The following ARHGAP40 variants were observed in gnomAD, a reference collection of about 807,000 sequenced individuals.
The protein encoded by ARHGAP40 is rho GTPase-activating protein 40.
Under a neutral mutation model 73.5 loss-of-function variants are expected in ARHGAP40, and 43 were observed. The ratio of observed to expected loss-of-function variants is 0.58; its 90% CI spans 0.46 to 0.75. ARHGAP40 has a LOEUF of 0.75. Ranked by LOEUF, ARHGAP40 falls within the 30% of genes least tolerant of loss-of-function variation. The pLI, the probability that ARHGAP40 is intolerant of heterozygous loss-of-function variation, is 0.00. For missense variants in ARHGAP40, 734 were observed against 861.8 expected (o/e 0.85, Z 1.86); for synonymous variants, 300 against 352.8 (o/e 0.85, Z 1.68).
chr20:38,629,074 A>G, intron 4 of ARHGAP40, 72 bp downstream of exon 4: 8 of 1,162,564 alleles, frequency 6.9e-6, no homozygotes, highest in South Asian at 1.4e-5. Context: ...GTGAAGTAAG[A>G]GAATGTGCAC....
intron 11 of ARHGAP40, among the ~76,000 whole-genome samples, chr20:38,644,602 T>C (rs2089040078): frequency 6.8e-6 from 1 of 147,766 alleles, no homozygotes; most frequent in African/African-American, 2.5e-5. Context: ...CATCCATTTA[T>C]GCAACTGCCC....
chr20:38,641,879 CTCATTCAT>C lies in ARHGAP40; in HGVS notation c.1362+87_1362+94del, dbSNP rs548156307. 2.2e-5 allele frequency: 24 copies of C among 1,099,770 alleles called. No individual in the cohort carries two copies. The African/African-American group carries it at 2.9e-4, about 13-fold the overall frequency. 68.1% of individuals were successfully genotyped at this position (1,099,770 alleles called of 1,614,324 possible). On this transcript the variant is annotated intron_variant, in intron 10 of 14. Transcript: ENST00000373345. ...AGCCACAGCCATGGCTTCAAATGTG[CTCATTCAT>C]TCATTCATTCATTCAACAACTCTGC... is the stretch of plus-strand genomic sequence containing the variant.
exon 3 of ARHGAP40, chr20:38,627,214 G>C (rs1200305924): frequency 1.2e-5 from 16 of 1,305,138 alleles, no homozygotes; most frequent in Non-Finnish European, 1.4e-5. Context: ...TTCAATTCAG[G>C]GGTAAGTGGC....
chr20:38,604,920 A>G (rs1325414019), intron 1 of ARHGAP40, among the ~76,000 whole-genome samples: 1 of 151,854 alleles, frequency 6.6e-6, no homozygotes, highest in Non-Finnish European at 1.5e-5. Flanking sequence ...TTGTTTATTG[A>G]GAAGACATTC....
intron 1 of ARHGAP40, among the ~76,000 whole-genome samples, chr20:38,602,340 A>C (rs1360760495): frequency 6.6e-6 from 1 of 152,166 alleles, no homozygotes; most frequent in Admixed American, 6.5e-5. Flanking sequence ...TGCAGGGGTC[A>C]CTGATTTTCA....
At chr20:38,609,059 T>G (rs1246394534) in intron 1 of ARHGAP40, among the ~76,000 whole-genome samples, 1 of 152,106 alleles carries the variant, frequency 6.6e-6, no homozygotes, top group Non-Finnish European at 1.5e-5. Context: ...CTCCCCAAAA[T>G]CAGCTGATTA....
intron 1 of ARHGAP40, among the ~76,000 whole-genome samples, chr20:38,620,291 T>C (rs962878682): frequency 6.6e-6 from 1 of 152,174 alleles, no homozygotes; most frequent in East Asian, 1.9e-4. Flanking sequence ...GTTCTCTTCC[T>C]ATCGTTCTCT....
intron 1 of ARHGAP40, among the ~76,000 whole-genome samples, chr20:38,620,861 G>A (rs2088870042): frequency 6.6e-6 from 1 of 152,218 alleles, no homozygotes; most frequent in African/African-American, 2.4e-5. Flanking sequence ...TGAGCTCTGT[G>A]TGGGCAGGAC....
At chr20:38,613,319 C>T (rs1182478268) in intron 1 of ARHGAP40, among the ~76,000 whole-genome samples, 2 of 152,160 alleles carry the variant, frequency 1.3e-5, no homozygotes, top group South Asian at 4.1e-4. Flanking sequence ...GGCTGCCCCT[C>T]CCAGAGTGCT....
intron 1 of ARHGAP40, among the ~76,000 whole-genome samples, chr20:38,608,985 T>G (rs1219836643): frequency 1.3e-5 from 2 of 152,104 alleles, no homozygotes; most frequent in African/African-American, 4.8e-5. Flanking sequence ...CTCTTCTGCC[T>G]CCCTCTTCCC....
chr20:38,628,083 T>G (rs2088913828), intron 3 of ARHGAP40, among the ~76,000 whole-genome samples: 2 of 152,218 alleles, frequency 1.3e-5, no homozygotes, highest in Admixed American at 1.3e-4. Context: ...CCCTATAGGC[T>G]GTGTGTCCAG....
At chr20:38,645,592 G>A (rs1305448430) in intron 11 of ARHGAP40, among the ~76,000 whole-genome samples, 2 of 152,148 alleles carry the variant, frequency 1.3e-5, no homozygotes, top group African/African-American at 2.4e-5. Flanking sequence ...ATGGAGTCTG[G>A]GTTCTCTGAC....
At chr20:38,615,364 G>A in intron 1 of ARHGAP40, 6 of 756,694 alleles carry the variant, frequency 7.9e-6, no homozygotes, top group South Asian at 6.9e-5. Context: ...GTAAACCAGG[G>A]TTAAAAGGCC....
intron 1 of ARHGAP40, chr20:38,615,381 AC>A: frequency 1.3e-6 from 1 of 742,808 alleles, no homozygotes; most frequent in Non-Finnish European, 2.5e-6. Flanking sequence ...GGCCCCAGGT[AC>A]CCACCCCAAT....
At chr20:38,644,745 T>C (rs1211839860) in intron 11 of ARHGAP40, among the ~76,000 whole-genome samples, 1 of 149,222 alleles carries the variant, frequency 6.7e-6, no homozygotes, top group East Asian at 2.0e-4. Flanking sequence ...CCACCAATCA[T>C]GCATCTCTCC....
intron 5 of ARHGAP40, among the ~76,000 whole-genome samples, chr20:38,630,853 T>C (rs2088933900): frequency 6.6e-6 from 1 of 152,130 alleles, no homozygotes; most frequent in South Asian, 2.1e-4. Context: ...GTAAATATAG[T>C]CTTTCACAGT....
At position 38,646,872 on chromosome 20, in the gene ARHGAP40, A is replaced by G; in HGVS notation, c.1711-85A>G. 1.7e-6 allele frequency: 2 copies of G among 1,195,896 alleles called. No individual in the cohort carries two copies. The highest frequency in any genetic ancestry group is 2.2e-6 in the Non-Finnish European group (2 of 914,608). The allele number at this position is 1,195,896 out of a possible 1,614,324, so 74.1% of individuals were successfully genotyped here. ...CAGCGTGGGCATTTGCGTAAGTGCCATGTATGCGTGTTTATGCATCCACGT... is the reference window on the plus strand; with the variant it reads ...CAGCGTGGGCATTTGCGTAAGTGCCGTGTATGCGTGTTTATGCATCCACGT... On this transcript the variant is annotated intron_variant, in intron 12 of 14. Transcript: ENST00000373345. The surrounding 1 kb of genome is among the most constrained non-coding windows in gnomAD (Gnocchi z 4.5).
intron 10 of ARHGAP40, among the ~76,000 whole-genome samples, chr20:38,643,268 C>T (rs2089030300): frequency 6.6e-6 from 1 of 152,226 alleles, no homozygotes. Context: ...TGGTAGCTCT[C>T]ATCACTTTCT....
intron 11 of ARHGAP40, among the ~76,000 whole-genome samples, chr20:38,644,773 T>G (rs1190422874): frequency 2.0e-5 from 3 of 151,126 alleles, no homozygotes; most frequent in African/African-American, 4.9e-5. Context: ...TACCAATCCA[T>G]CCATCCACCC....
Sources: gnomAD v4.1 joint callset for allele counts (sites outside exome capture counted in the v4.1 genomes callset) on GRCh38, gnomAD v4.1.1 for gene constraint, Gnocchi (gnomAD v3.1) non-coding constraint, MANE v1.5 for transcripts, NCBI Gene and HGNC (gene_info 2026-07-23, HGNC 2026-07-21) for gene names.